MITF: variants seen among roughly 807,000 people sequenced by gnomAD.
MITF encodes melanocyte inducing transcription factor.
Under a neutral mutation model 60.5 loss-of-function variants are expected in MITF, and 17 were observed. The observed-to-expected ratio is 0.28, with a 90% CI of 0.19 to 0.42. The LOEUF (loss-of-function observed/expected upper bound fraction) is 0.42, where lower values mean the gene tolerates loss of function less well. Ranked by LOEUF, MITF falls within the 10% of genes least tolerant of loss-of-function variation. The probability of loss-of-function intolerance (pLI) is 1.00; values close to 1 mark genes in which losing one functional copy is unlikely to be tolerated. For missense variants in MITF, 622 were observed against 683.5 expected (o/e 0.91, Z 1.00); for synonymous variants, 260 against 248.5 (o/e 1.05, Z -0.43).
At chr3:69,805,086 C>G in intron 1 of MITF, among the ~76,000 whole-genome samples, 2 of 152,166 alleles carry the variant, frequency 1.3e-5, no homozygotes, top group South Asian at 4.2e-4. Context: ...AAACAAGAAC[C>G]AAGTCTACAA....
At chr3:69,776,808 A>G (rs1180578610) in intron 1 of MITF, among the ~76,000 whole-genome samples, 1 of 152,210 alleles carries the variant, frequency 6.6e-6, no homozygotes, top group Non-Finnish European at 1.5e-5. Context: ...CTCACTACTC[A>G]TAGCAAAGAC....
At chr3:69,921,191 G>T (rs2065460154) in intron 2 of MITF, among the ~76,000 whole-genome samples, 2 of 152,178 alleles carry the variant, frequency 1.3e-5, no homozygotes. Flanking sequence ...TTTTATCATG[G>T]AGAATTTGGG....
At chr3:69,960,686 T>C (rs2066519292) in intron 9 of MITF, among the ~76,000 whole-genome samples, 1 of 152,218 alleles carries the variant, frequency 6.6e-6, no homozygotes, top group Non-Finnish European at 1.5e-5. Context: ...ACTTTTCCAG[T>C]GCAACTATTC....
At chr3:69,866,039 G>C (rs532114189) in intron 1 of MITF, among the ~76,000 whole-genome samples, 2 of 152,288 alleles carry the variant, frequency 1.3e-5, no homozygotes, top group African/African-American at 4.8e-5. Context: ...CTCCCTGGCC[G>C]TGCCTGGGTC....
Position 69,750,433 on chromosome 3 carries a change from C to A in MITF, c.104+10732C>A, listed in dbSNP as rs1241619007. Reference sequence around the variant, plus strand: ...TTAAAAACCAGTGAGTAATTATTATCAATGATTATCTCTGGCCTGACAATA... The same window carrying A: ...TTAAAAACCAGTGAGTAATTATTATAAATGATTATCTCTGGCCTGACAATA... On this transcript the variant is annotated intron_variant, in intron 1 of 9. Coordinates refer to ENST00000352241, the MANE Select transcript of MITF (RefSeq NM_001354604.2). 3.7e-4 allele frequency among the ~76,000 whole-genome samples: 42 copies of A among 114,062 alleles called. 1 individual carries two copies. The highest frequency in any genetic ancestry group is 1.4e-3 in the African/African-American group (40 of 29,394). 74.8% of individuals were successfully genotyped at this position (114,062 alleles called of 152,430 possible). A position where few individuals can be genotyped will look rare whatever the true frequency, so the allele number is the denominator to read the frequency against.
chr3:69,868,756 A>T (rs1272667581), intron 1 of MITF, among the ~76,000 whole-genome samples: 1 of 151,962 alleles, frequency 6.6e-6, no homozygotes, highest in Non-Finnish European at 1.5e-5. Context: ...AAAATTAGCC[A>T]GGCATGGTGT....
chr3:69,936,878 C>A, intron 2 of MITF: 1 of 836,622 alleles, frequency 1.2e-6, no homozygotes. Context: ...TCTTTTAATG[C>A]TGTTTATTAT....
chr3:69,919,885 C>A (rs1274377418), intron 2 of MITF, among the ~76,000 whole-genome samples: 1 of 151,678 alleles, frequency 6.6e-6, no homozygotes, highest in Non-Finnish European at 1.5e-5. Context: ...ACAGTGTGGG[C>A]AGCAAGCCAC....
intron 1 of MITF, among the ~76,000 whole-genome samples, chr3:69,792,957 T>G (rs2062764713): frequency 6.6e-6 from 1 of 150,886 alleles, no homozygotes; most frequent in Middle Eastern, 3.4e-3. Flanking sequence ...TTTGCTTTAT[T>G]ACTTTAAATT....
At chr3:69,852,482 CT>C (rs2063841715) in intron 1 of MITF, among the ~76,000 whole-genome samples, 1 of 152,140 alleles carries the variant, frequency 6.6e-6, no homozygotes, top group African/African-American at 2.4e-5. Flanking sequence ...AGATTTATCC[CT>C]TGTTTGTATG....
chr3:69,912,040 C>T (rs977356621), intron 2 of MITF, among the ~76,000 whole-genome samples: 40 of 152,138 alleles, frequency 2.6e-4, no homozygotes, highest in African/African-American at 9.2e-4. Flanking sequence ...GATTACATGG[C>T]ACATCATAAA....
intron 1 of MITF, among the ~76,000 whole-genome samples, chr3:69,862,187 G>T (rs2064028749): frequency 6.6e-6 from 1 of 152,096 alleles, no homozygotes; most frequent in Admixed American, 6.5e-5. Flanking sequence ...TCACTCATTT[G>T]TTTGGGGAAA....
intron 1 of MITF, among the ~76,000 whole-genome samples, chr3:69,766,376 ATTTTTTTTTTTTTTT>A (rs753953309): frequency 7.4e-5 from 7 of 95,122 alleles, no homozygotes; most frequent in African/African-American, 1.4e-4. Context: ...TGCCCAGCTA[ATTTTTTTTTTTTTTT>A]TTTTTTTTTT....
intron 2 of MITF, among the ~76,000 whole-genome samples, chr3:69,921,553 A>G (rs1460544811): frequency 6.6e-6 from 1 of 152,216 alleles, no homozygotes; most frequent in Non-Finnish European, 1.5e-5. Flanking sequence ...TCAAATCAGT[A>G]TGAATTCTTG....
At chr3:69,952,068 C>T (rs933191675) in intron 7 of MITF, among the ~76,000 whole-genome samples, 182 bp downstream of exon 7, 3 of 152,082 alleles carry the variant, frequency 2.0e-5, no homozygotes, top group Admixed American at 1.3e-4. Flanking sequence ...TATCTCAGAT[C>T]AAATTGAATT....
At chr3:69,873,658 A>G (rs2064287642) in intron 1 of MITF, among the ~76,000 whole-genome samples, 1 of 152,212 alleles carries the variant, frequency 6.6e-6, no homozygotes, top group Non-Finnish European at 1.5e-5. Flanking sequence ...AGGACTCTTC[A>G]GACCTCTGGG....
At chr3:69,865,149 C>A (rs188003639) in intron 1 of MITF, among the ~76,000 whole-genome samples, 1 of 152,172 alleles carries the variant, frequency 6.6e-6, no homozygotes, top group East Asian at 1.9e-4. Context: ...TTGGCCGAGA[C>A]TCCTGGCTAG....
intron 1 of MITF, chr3:69,866,269 A>C (rs765466697): frequency 6.8e-6 from 11 of 1,613,044 alleles, no homozygotes; most frequent in Non-Finnish European, 8.5e-7. Context: ...AAGGGCTTGC[A>C]GAACACCTTA....
rs368400779 is a variant in MITF at position 69,912,348 on chromosome 3, G to T, written c.355-25474G>T. Among the ~76,000 whole-genome samples, 64 of 151,830 alleles carry T rather than the reference G, an allele frequency of 4.2e-4. 1 individual carries two copies. Among genetic ancestry groups the T allele is most frequent in the Non-Finnish European group, 3.4e-4 (23 of 67,920 alleles). ...CAAAGCAAACATGGTAATATTTTTG[G>T]TTTTTTTTCATTCTGGGAGACAGAA... On this transcript the variant is annotated intron_variant, in intron 2 of 9. Coordinates refer to ENST00000352241, the MANE Select transcript of MITF (RefSeq NM_001354604.2).
Sources: gnomAD v4.1 joint callset for allele counts (sites outside exome capture counted in the v4.1 genomes callset) on GRCh38, gnomAD v4.1.1 for gene constraint, MANE v1.5 for transcripts, NCBI Gene and HGNC (gene_info 2026-07-23, HGNC 2026-07-21) for gene names.